CSMD1: variants seen among roughly 807,000 people sequenced by gnomAD.
CSMD1 encodes the protein CUB and sushi domain-containing protein 1.
A neutral mutation model predicts 417.5 loss-of-function variants in CSMD1; 213 were observed. The ratio of observed to expected loss-of-function variants is 0.51; its 90% CI spans 0.46 to 0.57. The LOEUF is 0.57. CSMD1 is among the 20% of genes least tolerant of loss of function. The pLI is 0.00. For missense variants in CSMD1, 6,923 were observed against 4,529.7 expected (o/e 1.53, Z -15.17); for synonymous variants, 2,862 against 1,736.8 (o/e 1.65, Z -16.11).
intron 54 of CSMD1, among the ~76,000 whole-genome samples, chr8:2,979,186 C>T (rs183101366): frequency 1.1e-3 from 172 of 152,164 alleles, no homozygotes; most frequent in African/African-American, 4.0e-3. Flanking sequence ...GTCTGTGGCA[C>T]ACCAGTTAAT....
chr8:3,886,147 T>C (rs963381743), intron 5 of CSMD1, among the ~76,000 whole-genome samples: 1 of 152,080 alleles, frequency 6.6e-6, no homozygotes, highest in Non-Finnish European at 1.5e-5. Context: ...GTCTCTCTGT[T>C]TCAAGCAATC....
At chr8:4,612,319 T>TC (rs1285347814) in intron 2 of CSMD1, among the ~76,000 whole-genome samples, 2 of 151,510 alleles carry the variant, frequency 1.3e-5, no homozygotes, top group Non-Finnish European at 2.9e-5. Flanking sequence ...TTTTTGAAGT[T>TC]CCCCACTTTA....
In CSMD1 at chr8:4,953,044, T is replaced by C. The variant is rs185784430; in HGVS notation, c.85+41288A>G. 5.3e-3 allele frequency among the ~76,000 whole-genome samples: 739 copies of C among 139,486 alleles called. 5 individuals are homozygous for C. The highest frequency in any genetic ancestry group is 8.8e-3 in the Non-Finnish European group (566 of 64,580). The allele number at this position is 139,486 out of a possible 152,430, so 91.5% of individuals were successfully genotyped here. On this transcript the variant is annotated intron_variant, in intron 1 of 69. Coordinates refer to ENST00000635120, the MANE Select transcript of CSMD1 (RefSeq NM_033225.6). ...CATGTGAGATGAGAGTGACCATTAA[T>C]ACGTGAGCAGATGTTAAGACAAAAA...
intron 1 of CSMD1, among the ~76,000 whole-genome samples, chr8:4,663,359 A>G (rs192697378): frequency 4.3e-4 from 66 of 152,264 alleles, no homozygotes; most frequent in African/African-American, 1.4e-3. Flanking sequence ...ATCTACAGGT[A>G]TTTCTTTCCT....
At chr8:3,250,465 G>A (rs991623772) in intron 26 of CSMD1, among the ~76,000 whole-genome samples, 10 of 152,222 alleles carry the variant, frequency 6.6e-5, no homozygotes, top group Admixed American at 1.3e-4. Flanking sequence ...TCATTGTTGG[G>A]CATTTGGGTT....
intron 2 of CSMD1, among the ~76,000 whole-genome samples, chr8:4,623,598 G>A (rs1470627294): frequency 6.6e-6 from 1 of 152,026 alleles, no homozygotes; most frequent in Non-Finnish European, 1.5e-5. Context: ...GTCTATTAGA[G>A]TGATAAACTA....
At chr8:4,003,479 A>G (rs920612325) in intron 4 of CSMD1, among the ~76,000 whole-genome samples, 4 of 152,164 alleles carry the variant, frequency 2.6e-5, no homozygotes, top group Non-Finnish European at 4.4e-5. Context: ...TACATGGGAA[A>G]AAAAGATTTT....
intron 5 of CSMD1, among the ~76,000 whole-genome samples, chr8:3,788,022 T>C (rs1799541742): frequency 6.6e-6 from 1 of 152,172 alleles, no homozygotes; most frequent in African/African-American, 2.4e-5. Context: ...AGAGGTGTCT[T>C]TGGCTAGAGT....
chr8:3,759,854 C>G (rs1187860994), intron 5 of CSMD1, among the ~76,000 whole-genome samples: 2 of 148,042 alleles, frequency 1.4e-5, no homozygotes, highest in African/African-American at 2.5e-5. Context: ...GTTGCAGTGA[C>G]CCGGAGATTG....
At position 4,146,372 on chromosome 8, in the gene CSMD1, G is replaced by C. The variant is rs968090706; in HGVS notation, c.416-114273C>G. 8.0e-5 allele frequency among the ~76,000 whole-genome samples: 12 copies of C among 150,500 alleles called. 1 individual carries two copies. Among genetic ancestry groups the C allele is most frequent in the African/African-American group, 2.0e-4 (8 of 39,980 alleles). ...ATAAGCTTCAGCCCAACATCGACTT[G>C]CAGAGCTGGCAATTCGGGGTTGATA... is the stretch of plus-strand genomic sequence containing the variant. On this transcript the variant is annotated intron_variant, in intron 3 of 69. Transcript: ENST00000635120.
chr8:4,892,994 T>C (rs1420263459), intron 1 of CSMD1, among the ~76,000 whole-genome samples: 2 of 152,134 alleles, frequency 1.3e-5, no homozygotes, highest in Non-Finnish European at 2.9e-5. Context: ...GCTTGCACGG[T>C]GTGATACTGC....
At chr8:4,523,437 G>A (rs892198908) in intron 2 of CSMD1, among the ~76,000 whole-genome samples, 4 of 152,098 alleles carry the variant, frequency 2.6e-5, no homozygotes, top group African/African-American at 7.2e-5. Context: ...GGTTCAGAAG[G>A]TGTAAAACTC....
At chr8:4,199,754 C>G (rs1022743821) in intron 3 of CSMD1, among the ~76,000 whole-genome samples, 2 of 152,104 alleles carry the variant, frequency 1.3e-5, no homozygotes, top group East Asian at 1.9e-4. Flanking sequence ...AAAATATTTT[C>G]AAAAACTGAA....
chr8:4,169,182 T>A (rs1048053478), intron 3 of CSMD1, among the ~76,000 whole-genome samples: 1 of 152,154 alleles, frequency 6.6e-6, no homozygotes, highest in East Asian at 1.9e-4. Context: ...GGTTTCAGAA[T>A]GTTAACATAG....
intron 2 of CSMD1, among the ~76,000 whole-genome samples, chr8:4,565,706 G>C (rs866141887): frequency 2.7e-5 from 4 of 147,356 alleles, no homozygotes; most frequent in Middle Eastern, 3.4e-3. Context: ...TTGCACTCCA[G>C]CCTGGGTGAC....
At chr8:3,309,970 C>G (rs1805197530) in intron 23 of CSMD1, among the ~76,000 whole-genome samples, 1 of 152,144 alleles carries the variant, frequency 6.6e-6, no homozygotes, top group Admixed American at 6.5e-5. Flanking sequence ...CCAACCATGA[C>G]ATTATTATTT....
chr8:3,969,802 C>T (rs1248538790), intron 5 of CSMD1, among the ~76,000 whole-genome samples: 1 of 152,144 alleles, frequency 6.6e-6, no homozygotes, highest in Non-Finnish European at 1.5e-5. Context: ...TAACCTCCTA[C>T]CAAGAGAAAG....
intron 23 of CSMD1, among the ~76,000 whole-genome samples, chr8:3,338,972 C>G (rs1163343938): frequency 1.4e-5 from 2 of 143,034 alleles, no homozygotes; most frequent in Non-Finnish European, 3.1e-5. Flanking sequence ...TCTCCCGATG[C>G]TCTCCCTCCC....
chr8:4,694,963 A>G (rs1807020122), intron 1 of CSMD1, among the ~76,000 whole-genome samples: 1 of 152,078 alleles, frequency 6.6e-6, no homozygotes, highest in South Asian at 2.1e-4. Context: ...AGGTTCTTGT[A>G]CCTTTCACAG....
Sources: gnomAD v4.1 joint callset for allele counts (sites outside exome capture counted in the v4.1 genomes callset) on GRCh38, gnomAD v4.1.1 for gene constraint, MANE v1.5 for transcripts, NCBI Gene and HGNC (gene_info 2026-07-23, HGNC 2026-07-21) for gene names.